The following ATAD2B variants were observed in gnomAD, a reference collection of about 807,000 sequenced individuals.
ATAD2B encodes the protein ATPase family AAA domain-containing protein 2B.
In ATAD2B, 40 loss-of-function variants were observed where a neutral mutation model predicts 167.6. The ratio of observed to expected loss-of-function variants is 0.24; its 90% CI spans 0.19 to 0.31. ATAD2B has a LOEUF of 0.31. ATAD2B is among the 10% of genes least tolerant of loss of function. The probability of loss-of-function intolerance (pLI) is 1.00; values close to 1 mark genes in which losing one functional copy is unlikely to be tolerated. For missense variants in ATAD2B, 1,242 were observed against 1,757.2 expected (o/e 0.71, Z 5.24); for synonymous variants, 579 against 596.5 (o/e 0.97, Z 0.43).
At chr2:23,880,496 C>G (rs1205197244) in intron 7 of ATAD2B, 143 bp downstream of exon 7, 1 of 585,798 alleles carries the variant, frequency 1.7e-6, no homozygotes, top group Non-Finnish European at 3.0e-6. Context: ...CCAGGAGGCA[C>G]AGCTTGCAGT....
At chr2:23,858,974 A>T (rs1022641898) in intron 12 of ATAD2B, among the ~76,000 whole-genome samples, 8 of 152,198 alleles carry the variant, frequency 5.3e-5, no homozygotes, top group Non-Finnish European at 1.2e-4. Context: ...AATATAATAA[A>T]TCCTAAAAGT....
rs778487538 is a variant in ATAD2B, at chr2:23,758,083, G to A, written c.3413C>T (p.Ser1138Leu). 6.4e-7 allele frequency: 1 copy of A among 1,574,274 alleles called. No individual in the cohort carries two copies. The highest frequency in any genetic ancestry group is 1.9e-5 in the Admixed American group (1 of 52,720). ...NKCAFRVRRK[S>L]RRRSQWGKGI... The stretch of plus-strand genomic sequence containing the variant: ...TTTACCCCACTGTGATCTCCGCCTT[G>A]ATTTTCTCCGAACCCGAACTGTTTT... The change falls in exon 25 of 28, where the codon TCA (serine) becomes TTA (leucine). Residue 1138 changes from serine to leucine, a missense_variant. Around this residue, in one of 9 missense-constraint regions of ATAD2B, gnomAD observed 204 missense variants for 324.0 expected, o/e 0.63. Transcript: ENST00000238789.
the ATAD2B span, among the ~76,000 whole-genome samples, chr2:23,683,012 T>C: frequency 4.6e-5 from 7 of 152,190 alleles, no homozygotes; most frequent in Non-Finnish European, 4.4e-5. Flanking sequence ...CAGTGTGTCC[T>C]CACCAAAAAG....
the ATAD2B span, among the ~76,000 whole-genome samples, chr2:23,733,450 T>TA: frequency 6.6e-6 from 1 of 152,222 alleles, no homozygotes; most frequent in Admixed American, 6.5e-5. Context: ...TATTTGCCAT[T>TA]TTCATTTCAC....
At chr2:23,841,126 A>G (rs1358402419) in intron 13 of ATAD2B, among the ~76,000 whole-genome samples, 1 of 126,882 alleles carries the variant, frequency 7.9e-6, no homozygotes. Flanking sequence ...TTTTGTACAG[A>G]TGGGTTCTCA....
At chr2:23,773,916 T>G (rs1678712313) in intron 22 of ATAD2B, among the ~76,000 whole-genome samples, 1 of 152,320 alleles carries the variant, frequency 6.6e-6, no homozygotes, top group African/African-American at 2.4e-5. Flanking sequence ...ACTGGCTACT[T>G]AGGACATATA....
intron 13 of ATAD2B, among the ~76,000 whole-genome samples, chr2:23,841,557 C>T (rs772625123): frequency 6.6e-6 from 1 of 152,084 alleles, no homozygotes; most frequent in Non-Finnish European, 1.5e-5. Flanking sequence ...ACTCTGTTGC[C>T]CAGGCTGGAG....
At chr2:23,789,498 T>G (rs577759761) in intron 19 of ATAD2B, among the ~76,000 whole-genome samples, 1 of 152,260 alleles carries the variant, frequency 6.6e-6, no homozygotes, top group South Asian at 2.1e-4. Flanking sequence ...AAGTATGTAC[T>G]GAAAGAGTTA....
rs1242927634 is a variant in ATAD2B, at chr2:23,749,166, A to G, written c.*2880T>C. On this transcript the variant is annotated 3_prime_UTR_variant, in exon 28 of 28. Coordinates refer to ENST00000238789, the MANE Select transcript of ATAD2B (RefSeq NM_017552.4). The stretch of plus-strand genomic sequence containing the variant: ...TATGAGAAAAATCAAGTCATGAAAC[A>G]ACATTAAAAAAAAAAAATCACAGGT... 6.6e-6 allele frequency: 1 copy of G among 151,452 alleles called. No homozygotes were observed. Among genetic ancestry groups the G allele is most frequent in the Non-Finnish European group, 1.5e-5 (1 of 67,772 alleles). 9.4% of individuals were successfully genotyped at this position (151,452 alleles called of 1,614,324 possible).
At chr2:23,913,545 CAGG>C (rs1702593961) in intron 1 of ATAD2B, among the ~76,000 whole-genome samples, 1 of 150,680 alleles carries the variant, frequency 6.6e-6, no homozygotes, top group Non-Finnish European at 1.5e-5. Flanking sequence ...GAGGCTGAAG[CAGG>C]AGAATTGCTT....
chr2:23,769,547 A>C (rs1292893589), intron 22 of ATAD2B, among the ~76,000 whole-genome samples: 6 of 152,058 alleles, frequency 3.9e-5, no homozygotes, highest in Non-Finnish European at 8.8e-5. Context: ...ACATATGTTA[A>C]ACATTCTAAG....
intron 18 of ATAD2B, among the ~76,000 whole-genome samples, chr2:23,809,577 A>G (rs1685228596): frequency 6.6e-6 from 1 of 152,178 alleles, no homozygotes; most frequent in African/African-American, 2.4e-5. Flanking sequence ...TAGGCTAAGT[A>G]TCGAAGTACA....
At chr2:23,690,291 A>G in the ATAD2B span, 6 of 152,186 alleles carry the variant, frequency 3.9e-5, no homozygotes, top group Admixed American at 3.9e-4. Flanking sequence ...ATCTAGTTCC[A>G]TCCTCTTATT....
chr2:23,788,794 G>A, intron 19 of ATAD2B, 147 bp from the exon 20 acceptor site: 2 of 693,608 alleles, frequency 2.9e-6, no homozygotes, highest in East Asian at 2.8e-5. Context: ...CCTAGTCCTA[G>A]GCTATGCTGT....
the ATAD2B span, among the ~76,000 whole-genome samples, chr2:23,711,285 A>G: frequency 6.8e-6 from 1 of 148,120 alleles, no homozygotes; most frequent in Non-Finnish European, 1.5e-5. Context: ...ATAAATATAT[A>G]TATTTTTAAA....
intron 22 of ATAD2B, among the ~76,000 whole-genome samples, chr2:23,772,696 A>T (rs1016411778): frequency 6.6e-6 from 1 of 152,174 alleles, no homozygotes; most frequent in African/African-American, 2.4e-5. Flanking sequence ...ATATTCTTTT[A>T]AAAAAATCTG....
At chr2:23,787,428 T>C (rs367799014) in intron 20 of ATAD2B, among the ~76,000 whole-genome samples, 2 of 151,982 alleles carry the variant, frequency 1.3e-5, no homozygotes, top group African/African-American at 4.8e-5. Context: ...ATTTTCATAA[T>C]GAAATATTTA....
At chr2:23,736,944 G>A in the ATAD2B span, among the ~76,000 whole-genome samples, 1 of 152,194 alleles carries the variant, frequency 6.6e-6, no homozygotes, top group Non-Finnish European at 1.5e-5. Context: ...CTCCCTCATT[G>A]CTAGCACAGC....
chr2:23,882,852 G>C (rs892503834), intron 6 of ATAD2B, among the ~76,000 whole-genome samples: 2 of 151,590 alleles, frequency 1.3e-5, no homozygotes, highest in Admixed American at 1.3e-4. Flanking sequence ...ATGAAAATTA[G>C]TAAGCATATG....
Sources: allele counts gnomAD v4.1 joint callset (sites outside exome capture counted in the v4.1 genomes callset), GRCh38; gene constraint gnomAD v4.1.1; regional missense constraint gnomAD v4.1.1; transcripts MANE v1.5; gene names NCBI Gene and HGNC (gene_info 2026-07-23, HGNC 2026-07-21).